ATP6V1A: variants seen among roughly 807,000 people sequenced by gnomAD.
ATP6V1A encodes V-type proton ATPase catalytic subunit A.
Under a neutral mutation model 70.1 loss-of-function variants are expected in ATP6V1A, and 18 were observed. The ratio of observed to expected loss-of-function variants is 0.26; its 90% CI spans 0.18 to 0.38. ATP6V1A has a LOEUF of 0.38. Among genes scored for constraint, ATP6V1A ranks in the 10% least tolerant of loss-of-function variants. The pLI is 1.00. For synonymous variants in ATP6V1A, 232 were observed against 253.8 expected (o/e 0.91, Z 0.82); for missense variants, 424 against 772.4 (o/e 0.55, Z 5.35).
At chr3:113,764,521 A>C (rs1708745048) in intron 1 of ATP6V1A, among the ~76,000 whole-genome samples, 1 of 152,230 alleles carries the variant, frequency 6.6e-6, no homozygotes, top group Non-Finnish European at 1.5e-5. Flanking sequence ...TTTTAAAATT[A>C]TAAGCATATT....
rs775765057 is a variant in ATP6V1A, at chr3:113,784,684, A to C, written c.427-12A>C. On this transcript the variant is annotated splice_polypyrimidine_tract_variant and intron_variant, in intron 4 of 14. Transcript: ENST00000273398. ...TATTTGCAAATTAAACAGCAAATAC[A>C]TTTATCTCTAGGTTGGTAGTCATAT... The C allele has an allele frequency of 3.7e-6, 6 of 1,612,594 alleles. No homozygotes were observed. The highest frequency in any genetic ancestry group is 5.1e-6 in the Non-Finnish European group (6 of 1,178,930).
chr3:113,789,549 A>G (rs1031018154), intron 7 of ATP6V1A, among the ~76,000 whole-genome samples, 183 bp from the exon 8 acceptor site: 2 of 152,114 alleles, frequency 1.3e-5, no homozygotes, highest in South Asian at 2.1e-4. Flanking sequence ...AATAATGTCT[A>G]TCTTCTTCAT....
chr3:113,769,658 CT>C (rs897017208), intron 1 of ATP6V1A, among the ~76,000 whole-genome samples: 1 of 152,106 alleles, frequency 6.6e-6, no homozygotes, highest in African/African-American at 2.4e-5. Context: ...TTGGAGTGGA[CT>C]TTATAGGAAA....
intron 1 of ATP6V1A, among the ~76,000 whole-genome samples, chr3:113,775,940 T>G (rs1708906578): frequency 6.6e-6 from 1 of 152,214 alleles, no homozygotes; most frequent in Non-Finnish European, 1.5e-5. Context: ...CTTCTTTCTG[T>G]TTTCCCCCGT....
chr3:113,801,249 T>C (rs572429412), intron 12 of ATP6V1A: 4 of 148,668 alleles, frequency 2.7e-5, no homozygotes, highest in African/African-American at 9.9e-5. Flanking sequence ...AAAAAAAAAC[T>C]GATGGACTAA....
At chr3:113,801,539 A>G (rs999182400) in intron 12 of ATP6V1A, among the ~76,000 whole-genome samples, 18 of 152,230 alleles carry the variant, frequency 1.2e-4, no homozygotes, top group African/African-American at 4.3e-4. Flanking sequence ...CCTGGAACCT[A>G]GCAATTCTGT....
intron 2 of ATP6V1A, among the ~76,000 whole-genome samples, chr3:113,780,499 T>G (rs1485409818): frequency 1.3e-5 from 2 of 152,220 alleles, no homozygotes; most frequent in Non-Finnish European, 2.9e-5. Flanking sequence ...GATGTGTGTG[T>G]GAGTTTTTCT....
At chr3:113,792,052 A>C (rs1709097944) in intron 8 of ATP6V1A, among the ~76,000 whole-genome samples, 1 of 152,104 alleles carries the variant, frequency 6.6e-6, no homozygotes, top group South Asian at 2.1e-4. Flanking sequence ...CCTAGTTTTT[A>C]ATGACTAAAT....
intron 1 of ATP6V1A, among the ~76,000 whole-genome samples, chr3:113,759,724 A>C (rs1426477453): frequency 6.6e-6 from 1 of 152,188 alleles, no homozygotes; most frequent in Non-Finnish European, 1.5e-5. Context: ...GCCATCAAGC[A>C]TTAGGCCAAA....
rs1398103152 is a variant in ATP6V1A at position 113,810,045 on chromosome 3, A to T, written c.*618A>T. 6.6e-6 allele frequency: 1 copy of T among 150,794 alleles called. No individual in the cohort carries two copies. Among genetic ancestry groups the T allele is most frequent in the Non-Finnish European group, 1.5e-5 (1 of 67,700 alleles). 9.3% of individuals were successfully genotyped at this position (150,794 alleles called of 1,614,324 possible). A position where few individuals can be genotyped will look rare whatever the true frequency, so the allele number is the denominator to read the frequency against. ...TTTATTTTTATTTTTTATTTTTTTT[A>T]TTATTTTTTTTTTGGGGACGGAGTG... On this transcript the variant is annotated 3_prime_UTR_variant, in exon 15 of 15. Coordinates refer to ENST00000273398, the MANE Select transcript of ATP6V1A (RefSeq NM_001690.4).
chr3:113,805,236 A>T lies in ATP6V1A; in HGVS notation c.1590-118A>T. On this transcript the variant is annotated intron_variant, in intron 13 of 14. Transcript: ENST00000273398. ...TTTTTTATTCCTTAGGTATCATCTA[A>T]TAAATAAGCAATCTGCATACTTAGA... The T allele has an allele frequency of 4.9e-6, 5 of 1,023,776 alleles. No individual in the cohort carries two copies. In the South Asian group the frequency reaches 6.3e-5, roughly 13 times the overall value. 63.4% of individuals were successfully genotyped at this position (1,023,776 alleles called of 1,614,324 possible).
At position 113,798,287 on chromosome 3, in the gene ATP6V1A, C is replaced by T. The variant is rs921985442; in HGVS notation, c.1335C>T (p.Phe445=). 28 of 1,613,708 alleles carry T rather than the reference C, an allele frequency of 1.7e-5. No individual in the cohort carries two copies. The highest frequency in any genetic ancestry group is 2.3e-5 in the Non-Finnish European group (27 of 1,180,008). ...LDKKLAQRKH[F]PSVNWLISYS... ...AGAAACTAGCTCAACGTAAGCATTT[C>T]CCCTCTGTCAATTGGCTCATCAGCT... is the stretch of plus-strand genomic sequence containing the variant. The change falls in exon 12 of 15, where the codon TTC becomes TTT. Residue 445 remains phenylalanine, a synonymous_variant. Transcript: ENST00000273398.
chr3:113,778,715 CTTAT>C (rs567707043), intron 1 of ATP6V1A, 22 bp from the exon 2 acceptor site: 477 of 1,358,822 alleles, frequency 3.5e-4, no homozygotes, highest in Admixed American at 5.6e-4. Flanking sequence ...ATAATTATAA[CTTAT>C]TTATTTATTT....
At chr3:113,769,138 G>A (rs1195751175) in intron 1 of ATP6V1A, among the ~76,000 whole-genome samples, 1 of 152,186 alleles carries the variant, frequency 6.6e-6, no homozygotes, top group Non-Finnish European at 1.5e-5. Context: ...AGGATTGCTA[G>A]GTAGGTGGAT....
intron 12 of ATP6V1A, among the ~76,000 whole-genome samples, chr3:113,800,746 CAA>C (rs200289083): frequency 6.6e-6 from 1 of 151,374 alleles, no homozygotes; most frequent in South Asian, 2.1e-4. Flanking sequence ...AGCCTTAAAA[CAA>C]AAAAAAGAGT....
intron 1 of ATP6V1A, among the ~76,000 whole-genome samples, chr3:113,751,753 T>A (rs1708589071): frequency 6.6e-6 from 1 of 151,506 alleles, no homozygotes; most frequent in Non-Finnish European, 1.5e-5. Context: ...TATGTATATA[T>A]AAAGACAGCT....
intron 1 of ATP6V1A, among the ~76,000 whole-genome samples, chr3:113,772,991 G>A (rs370331193): frequency 1.6e-4 from 21 of 127,868 alleles, no homozygotes; most frequent in East Asian, 1.5e-3. Context: ...AGGCTAGAGT[G>A]CAGTGGTGCG....
intron 11 of ATP6V1A, among the ~76,000 whole-genome samples, chr3:113,797,989 C>T (rs1300952796): frequency 2.6e-5 from 4 of 151,942 alleles, no homozygotes; most frequent in East Asian, 1.9e-4. Context: ...AAAAATTAGC[C>T]GGGCCTGATG....
chr3:113,788,242 C>T (rs1709057353), intron 6 of ATP6V1A, among the ~76,000 whole-genome samples: 1 of 152,084 alleles, frequency 6.6e-6, no homozygotes, highest in African/African-American at 2.4e-5. Context: ...TCATATATCC[C>T]TCTTCTCCAG....
Sources: gnomAD v4.1 joint callset for allele counts (sites outside exome capture counted in the v4.1 genomes callset) on GRCh38, gnomAD v4.1.1 for gene constraint, MANE v1.5 for transcripts, NCBI Gene and HGNC (gene_info 2026-07-23, HGNC 2026-07-21) for gene names.